Variants in BMPR2 observed in about 807,000 individuals in gnomAD.
BMPR2 encodes bone morphogenetic protein receptor type 2.
A neutral mutation model predicts 100.8 loss-of-function variants in BMPR2; 29 were observed. The observed-to-expected ratio is 0.29, with a 90% CI of 0.21 to 0.39. BMPR2 has a LOEUF of 0.39. Among genes scored for constraint, BMPR2 ranks in the 10% least tolerant of loss-of-function variants. The pLI, the probability that BMPR2 is intolerant of heterozygous loss-of-function variation, is 1.00. For missense variants in BMPR2, 1,011 were observed against 1,274.5 expected, an observed-to-expected ratio of 0.79 and a Z score of 3.15; for synonymous variants, 382 against 442.3, an observed-to-expected ratio of 0.86 and a Z score of 1.71.
chr2:202,395,841 C>T (rs1690647195), intron 1 of BMPR2, among the ~76,000 whole-genome samples: 1 of 152,150 alleles, frequency 6.6e-6, no homozygotes, highest in African/African-American at 2.4e-5. Flanking sequence ...GAGGCTGAGG[C>T]AGGAGGATCG....
rs1417315801 is a variant in BMPR2 at position 202,563,391 on chromosome 2, CGCGCCACTGCACTGCAGCCTAG to C, written c.*3449_*3470del. 1.3e-5 allele frequency: 2 copies of C among 151,996 alleles called. No homozygotes were observed. The highest frequency in any genetic ancestry group is 2.9e-5 in the Non-Finnish European group (2 of 68,058). The allele number at this position is 151,996 out of a possible 1,614,324, so 9.4% of individuals were successfully genotyped here. A position where few individuals can be genotyped will look rare whatever the true frequency, so the allele number is the denominator to read the frequency against. Reference sequence around the variant, plus strand: ...GGTGGAGGTTGCAGTGAGCTGAGATCGCGCCACTGCACTGCAGCCTAGGCGACAGAGCAAGACTGCCTCAAAA... The same window carrying C: ...GGTGGAGGTTGCAGTGAGCTGAGATCGCGACAGAGCAAGACTGCCTCAAAA... On this transcript the variant is annotated 3_prime_UTR_variant, in exon 13 of 13. Coordinates refer to ENST00000374580, the MANE Select transcript of BMPR2 (RefSeq NM_001204.7).
At chr2:202,422,071 G>C (rs1691274821) in intron 1 of BMPR2, among the ~76,000 whole-genome samples, 1 of 151,982 alleles carries the variant, frequency 6.6e-6, no homozygotes, top group Non-Finnish European at 1.5e-5. Context: ...ACCACACCCA[G>C]CTAATTTTTG....
At chr2:202,439,081 CTT>C (rs1422213588) in intron 1 of BMPR2, among the ~76,000 whole-genome samples, 6 of 150,204 alleles carry the variant, frequency 4.0e-5, no homozygotes. Flanking sequence ...AATATTAAGT[CTT>C]ATAATCAGTG....
intron 1 of BMPR2, among the ~76,000 whole-genome samples, chr2:202,458,353 C>T (rs954309884): frequency 6.6e-6 from 1 of 150,392 alleles, no homozygotes; most frequent in African/African-American, 2.4e-5. Flanking sequence ...GCTTGTGGTC[C>T]CAGCTACTCA....
intron 1 of BMPR2, among the ~76,000 whole-genome samples, chr2:202,416,466 G>A (rs745381716): frequency 4.8e-5 from 7 of 145,772 alleles, no homozygotes; most frequent in Non-Finnish European, 8.9e-5. Flanking sequence ...TTGCTCTGTC[G>A]CTAGGCTGGA....
Position 202,564,271 on chromosome 2 carries a change from A to G in BMPR2, c.*4325A>G, listed in dbSNP as rs1236936822. 1.3e-5 allele frequency: 2 copies of G among 152,200 alleles called. No individual in the cohort carries two copies. Among genetic ancestry groups the G allele is most frequent in the African/African-American group, 2.4e-5 (1 of 41,464 alleles). The allele number at this position is 152,200 out of a possible 1,614,324, so 9.4% of individuals were successfully genotyped here. ...ATTTGAGATTATATTTCCATACAAC[A>G]TTTTATAAAGTTATGTTGAACTTAC... is the stretch of plus-strand genomic sequence containing the variant. On this transcript the variant is annotated 3_prime_UTR_variant, in exon 13 of 13. Coordinates refer to ENST00000374580, the MANE Select transcript of BMPR2 (RefSeq NM_001204.7).
rs202032829 is a variant in BMPR2, at chr2:202,530,453, CT to C, written c.968-330del. 2.0e-3 allele frequency among the ~76,000 whole-genome samples: 290 copies of C among 145,460 alleles called. 3 individuals are homozygous for C. The East Asian group carries it at 0.029, about 14-fold the overall frequency. ...CTGATACTTATTTTAGACAAGCAGA[CT>C]TTTTTTTTTTGATGTTTATACCAAA... On this transcript the variant is annotated intron_variant, in intron 7 of 12. Transcript: ENST00000374580.
At position 202,416,427 on chromosome 2, in the gene BMPR2, A is replaced by ATTTT. The variant is rs57196325; in HGVS notation, c.76+38891_76+38894dup. Among the ~76,000 whole-genome samples the ATTTT allele has an allele frequency of 1.5e-5, 2 of 137,012 alleles. 1 individual carries two copies. Among genetic ancestry groups the ATTTT allele is most frequent in the Non-Finnish European group, 3.1e-5 (2 of 63,802 alleles). The allele number at this position is 137,012 out of a possible 152,430, so 89.9% of individuals were successfully genotyped here. ...AGGTGTGCACTACCACACCTGGATAATTTTTTTTTTTTTTTTTGAGATGGA... is the reference window on the plus strand; with the variant it reads ...AGGTGTGCACTACCACACCTGGATAATTTTTTTTTTTTTTTTTTTTTGAGATGGA... On this transcript the variant is annotated intron_variant, in intron 1 of 12. Transcript: ENST00000374580.
At chr2:202,496,701 T>C (rs1693037151) in intron 3 of BMPR2, among the ~76,000 whole-genome samples, 1 of 152,202 alleles carries the variant, frequency 6.6e-6, no homozygotes, top group South Asian at 2.1e-4. Flanking sequence ...TTTGACCCTA[T>C]GGGGAAAAAA....
chr2:202,494,870 A>C (rs1413682254), intron 3 of BMPR2, among the ~76,000 whole-genome samples: 3 of 152,146 alleles, frequency 2.0e-5, no homozygotes, highest in African/African-American at 7.2e-5. Flanking sequence ...AGAGGCTTGG[A>C]AAGTTTTTAT....
intron 1 of BMPR2, among the ~76,000 whole-genome samples, chr2:202,454,701 C>A (rs1331293100): frequency 6.6e-6 from 1 of 152,170 alleles, no homozygotes; most frequent in Non-Finnish European, 1.5e-5. Context: ...AACATGATTA[C>A]AATTTGACAA....
intron 1 of BMPR2, among the ~76,000 whole-genome samples, chr2:202,378,246 T>C (rs1690196154): frequency 6.6e-6 from 1 of 152,218 alleles, no homozygotes; most frequent in East Asian, 1.9e-4. Flanking sequence ...TTCACTAAAG[T>C]CTAAAGGGTG....
At chr2:202,377,799 CAT>C (rs898157568) in intron 1 of BMPR2, among the ~76,000 whole-genome samples, 2 of 152,220 alleles carry the variant, frequency 1.3e-5, no homozygotes, top group Non-Finnish European at 2.9e-5. Context: ...GTGAAAAAGA[CAT>C]ATTGGGTGTG....
rs564323408 is a variant in BMPR2, at chr2:202,473,386, A to C, written c.418+5697A>C. 2.2e-4 allele frequency among the ~76,000 whole-genome samples: 34 copies of C among 152,318 alleles called. 1 individual carries two copies. The highest frequency in any genetic ancestry group is 8.2e-4 in the African/African-American group (34 of 41,576). On this transcript the variant is annotated intron_variant, in intron 3 of 12. Coordinates refer to ENST00000374580, the MANE Select transcript of BMPR2 (RefSeq NM_001204.7). ...AGGATCACTTGAGTTTGGGAGGCGG[A>C]AGTTGCTGTAATCCAAGATTGCGCC...
Position 202,485,318 on chromosome 2 carries a change from C to T in BMPR2, c.418+17629C>T, listed in dbSNP as rs10181145. On this transcript the variant is annotated intron_variant, in intron 3 of 12. Transcript: ENST00000374580. Reference sequence around the variant, plus strand: ...TGACTAAAAATAACAGAAATTTGTTCTTGGACAGCTTTGGAGGCCAGCAGT... The same window carrying T: ...TGACTAAAAATAACAGAAATTTGTTTTTGGACAGCTTTGGAGGCCAGCAGT... 3.3e-5 allele frequency among the ~76,000 whole-genome samples: 5 copies of T among 151,898 alleles called. No individual in the cohort carries two copies. In the East Asian group the frequency reaches 7.8e-4, roughly 24 times the overall value.
intron 1 of BMPR2, among the ~76,000 whole-genome samples, chr2:202,404,916 C>T (rs959323623): frequency 3.3e-5 from 5 of 152,018 alleles, no homozygotes; most frequent in Non-Finnish European, 7.4e-5. Context: ...CTCAACCTTC[C>T]AGGCTCAAGC....
Position 202,563,879 on chromosome 2 carries a change from G to C in BMPR2, c.*3933G>C, listed in dbSNP as rs569148235. ...AACTAATTGAGTAGGATATAGGAAG[G>C]ATACAAGGATATAATGTCCTTTTTA... On this transcript the variant is annotated 3_prime_UTR_variant, in exon 13 of 13. Transcript: ENST00000374580. 2.6e-5 allele frequency: 4 copies of C among 152,268 alleles called. No homozygotes were observed. The highest frequency in any genetic ancestry group is 2.6e-4 in the Admixed American group (4 of 15,286). 9.4% of individuals were successfully genotyped at this position (152,268 alleles called of 1,614,324 possible). A position where few individuals can be genotyped will look rare whatever the true frequency, so the allele number is the denominator to read the frequency against.
chr2:202,484,088 C>A (rs539839434), intron 3 of BMPR2, among the ~76,000 whole-genome samples: 3 of 152,312 alleles, frequency 2.0e-5, no homozygotes, highest in East Asian at 3.9e-4. Flanking sequence ...CTCTATATAA[C>A]TAACCCAGAA....
At chr2:202,539,770 G>C (rs1024873156) in intron 9 of BMPR2, among the ~76,000 whole-genome samples, 1 of 152,094 alleles carries the variant, frequency 6.6e-6, no homozygotes, top group Non-Finnish European at 1.5e-5. Flanking sequence ...GCTAAAAAAA[G>C]GTCTGTAACT....
Sources: allele counts gnomAD v4.1 joint callset (sites outside exome capture counted in the v4.1 genomes callset), GRCh38; gene constraint gnomAD v4.1.1; transcripts MANE v1.5; gene names NCBI Gene and HGNC (gene_info 2026-07-23, HGNC 2026-07-21).